Variants in NRIP2 observed in about 807,000 individuals in gnomAD.
NRIP2 encodes the protein nuclear receptor interacting protein 2.
NRIP2 carries 27 observed loss-of-function variants against 34.1 expected under a neutral mutation model. That is an observed-to-expected ratio of 0.79 (90% CI 0.58 to 1.09). The LOEUF (loss-of-function observed/expected upper bound fraction) is 1.09. NRIP2 is among the 50% of genes least tolerant of loss of function. NRIP2 has a pLI of 0.00. For missense variants in NRIP2, 385 were observed against 352.6 expected, an observed-to-expected ratio of 1.09 and a Z score of -0.74; for synonymous variants, 145 against 146.9, an observed-to-expected ratio of 0.99 and a Z score of 0.09.
Position 2,834,630 on chromosome 12 carries a change from G to A in NRIP2, c.342+12C>T. The A allele has an allele frequency of 1.3e-6, 2 of 1,571,442 alleles. No individual in the cohort carries two copies. The highest frequency in any genetic ancestry group is 2.7e-5 in the African/African-American group (2 of 73,766). ...GCCAGGGGACGCTGGCAGGGGAGGG[G>A]TGATGCCTCACCAAGTCCTTGGAGG... On this transcript the variant is annotated intron_variant, in intron 1 of 5. Transcript: ENST00000337508.
chr12:2,831,994 C>G (rs571742191), intron 1 of NRIP2, among the ~76,000 whole-genome samples: 3 of 152,090 alleles, frequency 2.0e-5, no homozygotes, highest in Admixed American at 6.6e-5. Context: ...GTCTCCAGAC[C>G]TGTTACCTTT....
chr12:2,832,698 G>A (rs988762312), intron 1 of NRIP2, among the ~76,000 whole-genome samples: 15 of 150,040 alleles, frequency 1.0e-4, no homozygotes, highest in Admixed American at 8.8e-4. Flanking sequence ...CCTGGAGAGC[G>A]CTTGAGTCTA....
At chr12:2,830,984 G>A in intron 1 of NRIP2, 124 bp from the exon 2 acceptor site, 3 of 950,574 alleles carry the variant, frequency 3.2e-6, no homozygotes, top group Non-Finnish European at 4.4e-6. Flanking sequence ...CCTTACCCTA[G>A]GAGTTTACCC....
chr12:2,834,243 C>G (rs78560096), intron 1 of NRIP2, among the ~76,000 whole-genome samples: 1 of 152,168 alleles, frequency 6.6e-6, no homozygotes, highest in Non-Finnish European at 1.5e-5. Flanking sequence ...CAGACCTGGT[C>G]TGGGGAACCT....
chr12:2,833,636 G>A (rs374684754), intron 1 of NRIP2, among the ~76,000 whole-genome samples: 6 of 152,238 alleles, frequency 3.9e-5, no homozygotes, highest in South Asian at 2.1e-4. Context: ...ACAGGGAACC[G>A]AGTGCTCCCA....
intron 2 of NRIP2, chr12:2,830,102 A>C (rs1043029388): frequency 3.3e-5 from 5 of 152,064 alleles, no homozygotes; most frequent in Non-Finnish European, 7.3e-5. Flanking sequence ...TTTTAAAAAA[A>C]GGACGTGAGT....
In NRIP2 at chr12:2,827,673, A is replaced by C; in HGVS notation, c.705T>G (p.Ala235=). The C allele has an allele frequency of 1.2e-6, 2 of 1,614,138 alleles. No homozygotes were observed. Among genetic ancestry groups the C allele is most frequent in the Admixed American group, 3.3e-5 (2 of 60,026 alleles). The part of the protein sequence containing the change: ...TVVCSAQVVD[A]ESPEFCLGLQ... ...GGCCCAGGCAGAATTCAGGACTCTC[A>C]GCATCTATAGGAACAATTTGAAAAC... Residue 235 remains alanine, a synonymous_variant, in exon 5 of 6, where the codon GCT becomes GCG. Coordinates refer to ENST00000337508, the MANE Select transcript of NRIP2 (RefSeq NM_031474.3). The surrounding 1 kb of genome is among the most constrained non-coding windows in gnomAD (Gnocchi z 4.0).
chr12:2,830,906 G>A, intron 1 of NRIP2, 46 bp from the exon 2 acceptor site: 1 of 1,588,832 alleles, frequency 6.3e-7, no homozygotes, highest in Non-Finnish European at 8.6e-7. Flanking sequence ...CTAAACCCAG[G>A]CATCCAGGCT....
At chr12:2,829,950 G>A (rs1252668945) in intron 2 of NRIP2, among the ~76,000 whole-genome samples, 3 of 119,580 alleles carry the variant, frequency 2.5e-5, no homozygotes, top group East Asian at 2.5e-4. Flanking sequence ...GGTAGTGTGG[G>A]CCTATAGTCC....
At chr12:2,831,540 C>T (rs1408578437) in intron 1 of NRIP2, among the ~76,000 whole-genome samples, 1 of 151,908 alleles carries the variant, frequency 6.6e-6, no homozygotes, top group African/African-American at 2.4e-5. Flanking sequence ...GCCAAGATCA[C>T]ACCACTGCAC....
chr12:2,830,790 C>T lies in NRIP2; in HGVS notation c.413G>A (p.Arg138Gln), dbSNP rs944752207. 9 of 1,613,818 alleles carry T rather than the reference C, an allele frequency of 5.6e-6. No individual in the cohort carries two copies. Among genetic ancestry groups the T allele is most frequent in the South Asian group, 3.3e-5 (3 of 90,976 alleles). Residue 138 changes from arginine (R) to glutamine (Q), a missense_variant, in exon 2 of 6, where the codon CGG becomes CAG. By Grantham distance (43) the Arg-to-Gln change is conservative (BLOSUM62 1). Coordinates refer to ENST00000337508, the MANE Select transcript of NRIP2 (RefSeq NM_031474.3). ...NPNWLQGEPP[R>Q]MQDLIHGQES... is the part of the protein sequence containing the mutation. ...CTGGCCATGAATCAGGTCCTGCATC[C>T]GGGGAGGCTCCCCCTGAAGCCAATT...
At chr12:2,834,001 C>T (rs2098015896) in intron 1 of NRIP2, among the ~76,000 whole-genome samples, 2 of 152,186 alleles carry the variant, frequency 1.3e-5, no homozygotes, top group African/African-American at 4.8e-5. Context: ...TTTTCCGCCG[C>T]CCACTCACAT....
At position 2,827,165 on chromosome 12, in the gene NRIP2, T is replaced by C. The variant is rs1403894477; in HGVS notation, c.*42A>G. ...CCCGTTCCCCACACGCCTCTTCTTC[T>C]AAGGCAAGGTCTTTCCCTCTGGGGA... On this transcript the variant is annotated 3_prime_UTR_variant, in exon 6 of 6. Transcript: ENST00000337508. This position sits in a 1 kb window ranked among gnomAD's most constrained non-coding sequence, Gnocchi z 4.0. 8 of 1,613,326 alleles carry C rather than the reference T, an allele frequency of 5.0e-6. No individual in the cohort carries two copies. The highest frequency in any genetic ancestry group is 3.3e-5 in the Admixed American group (2 of 59,922).
chr12:2,834,901 C>A lies in NRIP2; in HGVS notation c.83G>T (p.Gly28Val), dbSNP rs771495123. Residue 28 changes from glycine (G) to valine (V), a missense_variant, in exon 1 of 6, where the codon GGA (glycine) becomes GTA (valine). Coordinates refer to ENST00000337508, the MANE Select transcript of NRIP2 (RefSeq NM_031474.3). ...CGTCACCGAGTCCTCTCTGCTTCTT[C>A]CTGCCTGTCTCTGTCCCGTGCTGCA... ...ESCSTGQRQAGRSREDSVTPP... is the reference protein window; with the variant it reads ...ESCSTGQRQAVRSREDSVTPP... The A allele has an allele frequency of 6.2e-7, 1 of 1,613,836 alleles. No individual in the cohort carries two copies. Among genetic ancestry groups the A allele is most frequent in the African/African-American group, 1.3e-5 (1 of 74,928 alleles).
chr12:2,828,654 G>C (rs1407296090), intron 2 of NRIP2, among the ~76,000 whole-genome samples: 1 of 151,998 alleles, frequency 6.6e-6, no homozygotes, highest in Non-Finnish European at 1.5e-5. Context: ...AGCCTGACCA[G>C]GGTTTAGTAG....
chr12:2,834,935 T>C lies in NRIP2; in HGVS notation c.49A>G (p.Lys17Glu). The C allele has an allele frequency of 6.2e-7, 1 of 1,610,542 alleles. No homozygotes were observed. The highest frequency in any genetic ancestry group is 1.3e-5 in the African/African-American group (1 of 74,710). ...LSLPWRPSCW[K>E]ESCSTGQRQA... ...CTCTGTCCCGTGCTGCAGCTCTCTT[T>C]CCAACAGGAGGGTCTCCACGGGAGG... Residue 17 changes from lysine to glutamate, a missense_variant, in exon 1 of 6, where the codon AAA becomes GAA. Coordinates refer to ENST00000337508, the MANE Select transcript of NRIP2 (RefSeq NM_031474.3).
At position 2,827,534 on chromosome 12, in the gene NRIP2, ACT is replaced by A; in HGVS notation, c.753+89_753+90del. On this transcript the variant is annotated intron_variant, in intron 5 of 5. Coordinates refer to ENST00000337508, the MANE Select transcript of NRIP2 (RefSeq NM_031474.3). The surrounding 1 kb of genome is among the most constrained non-coding windows in gnomAD (Gnocchi z 4.0). ...AGGGACAGTTGCCCATCTCTAAGTC[ACT>A]CTCATCAGAACCTGGTCCAGGTTCC... 1.9e-6 allele frequency: 3 copies of A among 1,594,776 alleles called. No individual in the cohort carries two copies. The highest frequency in any genetic ancestry group is 2.6e-6 in the Non-Finnish European group (3 of 1,173,186).
In NRIP2 at chr12:2,827,311, A is replaced by G; in HGVS notation, c.754-12T>C. 6.2e-7 allele frequency: 1 copy of G among 1,610,768 alleles called. No homozygotes were observed. The highest frequency in any genetic ancestry group is 8.5e-7 in the Non-Finnish European group (1 of 1,178,890). Reference sequence around the variant, plus strand: ...AGGTCGATGCAGCACTGCGGGGTGTAGAGCAGTCATGCCAGGTCACCTCAG... The same window carrying G: ...AGGTCGATGCAGCACTGCGGGGTGTGGAGCAGTCATGCCAGGTCACCTCAG... On this transcript the variant is annotated splice_polypyrimidine_tract_variant and intron_variant, in intron 5 of 5. Coordinates refer to ENST00000337508, the MANE Select transcript of NRIP2 (RefSeq NM_031474.3). The surrounding 1 kb of genome is among the most constrained non-coding windows in gnomAD (Gnocchi z 4.0).
chr12:2,826,444 C>A lies in NRIP2; in HGVS notation c.*763G>T, dbSNP rs1603483627. 2.0e-5 allele frequency: 3 copies of A among 151,570 alleles called. No homozygotes were observed. The highest frequency in any genetic ancestry group is 2.0e-4 in the Admixed American group (3 of 15,200). The allele number at this position is 151,570 out of a possible 1,614,324, so 9.4% of individuals were successfully genotyped here. A position where few individuals can be genotyped will look rare whatever the true frequency, so the allele number is the denominator to read the frequency against. Reference sequence around the variant, plus strand: ...AGGAGCAGTTCTCTACAAGGCTCTTCCACACACACACACGCAAGGCTCAGG... The same window carrying A: ...AGGAGCAGTTCTCTACAAGGCTCTTACACACACACACACGCAAGGCTCAGG... On this transcript the variant is annotated 3_prime_UTR_variant, in exon 6 of 6. Coordinates refer to ENST00000337508, the MANE Select transcript of NRIP2 (RefSeq NM_031474.3).
Sources: allele counts gnomAD v4.1 joint callset (sites outside exome capture counted in the v4.1 genomes callset), GRCh38; gene constraint gnomAD v4.1.1; non-coding constraint Gnocchi (gnomAD v3.1); transcripts MANE v1.5; gene names NCBI Gene and HGNC (gene_info 2026-07-23, HGNC 2026-07-21).